Variants in SH3YL1 observed in about 807,000 individuals in gnomAD.
The protein encoded by SH3YL1 is SH3 and SYLF domain containing 1.
Under a neutral mutation model 45.8 loss-of-function variants are expected in SH3YL1, and 41 were observed. That is an observed-to-expected ratio of 0.89 (90% CI 0.70 to 1.16). SH3YL1 has a LOEUF of 1.16. Ranked by LOEUF, SH3YL1 falls within the 50% of genes most tolerant of loss-of-function variation. The pLI, the probability that SH3YL1 is intolerant of heterozygous loss-of-function variation, is 0.00. For synonymous variants in SH3YL1, 152 were observed against 151.4 expected, an observed-to-expected ratio of 1.00 and a Z score of -0.03; for missense variants, 389 against 409.6, an observed-to-expected ratio of 0.95 and a Z score of 0.43.
chr2:235,935 C>G (rs374304330), intron 4 of SH3YL1, among the ~76,000 whole-genome samples: 1 of 15,212 alleles, frequency 6.6e-5, no homozygotes, highest in Non-Finnish European at 1.2e-4. Flanking sequence ...GGCAGCAGCA[C>G]GGGCCAGGGG....
At chr2:235,922 G>C (rs550993704) in intron 4 of SH3YL1, among the ~76,000 whole-genome samples, 1 of 50,074 alleles carries the variant, frequency 2.0e-5, no homozygotes, top group East Asian at 7.1e-4. Flanking sequence ...ATGGGCCAGG[G>C]GAGGCAGCAG....
At chr2:230,934 G>T in intron 7 of SH3YL1, 89 bp downstream of exon 7, 1 of 1,303,066 alleles carries the variant, frequency 7.7e-7, no homozygotes, top group Non-Finnish European at 1.1e-6. Context: ...AGGCTTAGTA[G>T]GTTCTTAGGA....
chr2:221,397 A>C (rs907716525), intron 9 of SH3YL1, among the ~76,000 whole-genome samples: 7 of 152,168 alleles, frequency 4.6e-5, no homozygotes, highest in African/African-American at 1.7e-4. Context: ...AATATATTTT[A>C]TGAGGAATAA....
intron 4 of SH3YL1, among the ~76,000 whole-genome samples, chr2:247,002 A>G (rs1293910764): frequency 6.6e-6 from 1 of 152,214 alleles, no homozygotes; most frequent in Non-Finnish European, 1.5e-5. Context: ...ATCAGCCCTA[A>G]GAGGATCCCC....
intron 6 of SH3YL1, among the ~76,000 whole-genome samples, chr2:231,854 C>T (rs1668060553): frequency 6.6e-6 from 1 of 152,150 alleles, no homozygotes; most frequent in South Asian, 2.1e-4. Flanking sequence ...TTCTGAAAAC[C>T]TTATTTTTCC....
At chr2:256,913 A>C (rs1375674583) in intron 1 of SH3YL1, among the ~76,000 whole-genome samples, 1 of 152,090 alleles carries the variant, frequency 6.6e-6, no homozygotes, top group Non-Finnish European at 1.5e-5. Context: ...TTAAAATTTT[A>C]GTTATTTTAG....
intron 9 of SH3YL1, among the ~76,000 whole-genome samples, chr2:221,981 C>A (rs3791224): frequency 1.3e-5 from 2 of 151,870 alleles, no homozygotes; most frequent in Non-Finnish European, 2.9e-5. Flanking sequence ...AAAGAATTCA[C>A]CAATAAAAGG....
At chr2:230,547 T>C (rs1667989600) in intron 7 of SH3YL1, 1 of 192,664 alleles carries the variant, frequency 5.2e-6, no homozygotes, top group African/African-American at 2.4e-5. Flanking sequence ...AAGGTCTTAC[T>C]CTGTTGCCTA....
At position 231,006 on chromosome 2, in the gene SH3YL1, A is replaced by G. The variant is rs900989705; in HGVS notation, c.702+17T>C. On this transcript the variant is annotated intron_variant, in intron 7 of 9. Transcript: ENST00000356150. ...ATTTTCTGAGAATACTGAGTGAAAC[A>G]TAAAACCAAACGGTACAGAAGACTT... The G allele has an allele frequency of 6.2e-7, 1 of 1,613,534 alleles. No individual in the cohort carries two copies. The highest frequency in any genetic ancestry group is 8.5e-7 in the Non-Finnish European group (1 of 1,179,596).
upstream of SH3YL1, chr2:264,388 AG>A: frequency 4.7e-6 from 1 of 211,332 alleles, no homozygotes. Context: ...CAGGCACCAC[AG>A]CCCGCCACGT....
intron 1 of SH3YL1, among the ~76,000 whole-genome samples, chr2:254,432 C>T (rs1193057561): frequency 6.6e-6 from 1 of 152,190 alleles, no homozygotes; most frequent in African/African-American, 2.4e-5. Flanking sequence ...CACAAGTGCC[C>T]TGAGGCTGAG....
At chr2:255,058 A>C (rs775651050) in intron 1 of SH3YL1, among the ~76,000 whole-genome samples, 8 of 152,176 alleles carry the variant, frequency 5.3e-5, no homozygotes, top group Non-Finnish European at 7.3e-5. Context: ...AACTATACTC[A>C]AATCGCCTTG....
At chr2:262,828 C>A in intron 1 of SH3YL1, 1 of 702,844 alleles carries the variant, frequency 1.4e-6, no homozygotes, top group Non-Finnish European at 2.0e-6. Flanking sequence ...GATGAGCAAA[C>A]ATTATTTTAA....
In SH3YL1 at chr2:252,156, G is replaced by A. The variant is rs527806461; in HGVS notation, c.112+849C>T. On this transcript the variant is annotated intron_variant, in intron 2 of 9. Coordinates refer to ENST00000356150, the MANE Select transcript of SH3YL1 (RefSeq NM_015677.4). The stretch of plus-strand genomic sequence containing the variant: ...CATTCCTGGACACACTGCACTAAAA[G>A]TCTGATTCAGCAGGTTTGGAGTGAG... Among the ~76,000 whole-genome samples, 4 of 152,312 alleles carry A rather than the reference G, an allele frequency of 2.6e-5. No individual in the cohort carries two copies. The East Asian group carries it at 7.7e-4, about 29-fold the overall frequency.
At chr2:244,192 C>T (rs1335135981) in intron 4 of SH3YL1, among the ~76,000 whole-genome samples, 1 of 139,674 alleles carries the variant, frequency 7.2e-6, no homozygotes, top group African/African-American at 2.6e-5. Flanking sequence ...AGCATGTGTA[C>T]AAGTTTTGTA....
At chr2:264,060 A>G, upstream of SH3YL1, 8 of 1,353,718 alleles carry the variant, frequency 5.9e-6, no homozygotes, top group Non-Finnish European at 7.6e-6. Flanking sequence ...CCCCGCGGAC[A>G]AGGAGGCCCC....
intron 1 of SH3YL1, among the ~76,000 whole-genome samples, chr2:253,599 C>T (rs1352820836): frequency 1.3e-5 from 2 of 152,178 alleles, no homozygotes; most frequent in Non-Finnish European, 2.9e-5. Context: ...ACCCCTTTTC[C>T]AGAAAACTCA....
At chr2:258,640 G>C (rs185105795) in intron 1 of SH3YL1, among the ~76,000 whole-genome samples, 12 of 152,272 alleles carry the variant, frequency 7.9e-5, no homozygotes, top group African/African-American at 2.4e-5. Flanking sequence ...TTGTTGGCTT[G>C]TTGTTGTGTT....
intron 3 of SH3YL1, 24 bp downstream of exon 3, chr2:249,707 T>C (rs781258111): frequency 2.6e-5 from 38 of 1,470,706 alleles, no homozygotes; most frequent in Non-Finnish European, 3.1e-5. Context: ...GACTCTCTAC[T>C]CCAGTGAACA....
Sources: allele counts gnomAD v4.1 joint callset (sites outside exome capture counted in the v4.1 genomes callset), GRCh38; gene constraint gnomAD v4.1.1; transcripts MANE v1.5; gene names NCBI Gene and HGNC (gene_info 2026-07-23, HGNC 2026-07-21).